P3H3: variants seen among roughly 807,000 people sequenced by gnomAD.
P3H3 encodes prolyl 3-hydroxylase 3.
Under a neutral mutation model 78.1 loss-of-function variants are expected in P3H3, and 64 were observed. The observed-to-expected ratio is 0.82, with a 90% CI of 0.67 to 1.01. The LOEUF (loss-of-function observed/expected upper bound fraction) is 1.01. P3H3 is among the 50% of genes least tolerant of loss of function. The probability of loss-of-function intolerance (pLI) is 0.00; values close to 1 mark genes in which losing one functional copy is unlikely to be tolerated. For synonymous variants in P3H3, 425 were observed against 416.7 expected, an observed-to-expected ratio of 1.02 and a Z score of -0.24; for missense variants, 975 against 982.2, an observed-to-expected ratio of 0.99 and a Z score of 0.10.
Position 6,829,834 on chromosome 12 carries a change from T to C in P3H3, c.499-25T>C. The C allele has an allele frequency of 6.2e-7, 1 of 1,613,522 alleles. No homozygotes were observed. Among genetic ancestry groups the C allele is most frequent in the Non-Finnish European group, 8.5e-7 (1 of 1,179,692 alleles). ...TCTGCCCCCCGTCCCAGGGCTCTGATGCCCTCCTCCCTTCGCCTCCTCAGT... is the reference window on the plus strand; with the variant it reads ...TCTGCCCCCCGTCCCAGGGCTCTGACGCCCTCCTCCCTTCGCCTCCTCAGT... On this transcript the variant is annotated intron_variant, in intron 1 of 14. Coordinates refer to ENST00000290510, the MANE Select transcript of P3H3 (RefSeq NM_014262.5). This position sits in a 1 kb window ranked among gnomAD's most constrained non-coding sequence, Gnocchi z 5.1.
chr12:6,836,928 C>G, intron 9 of P3H3, 57 bp from the exon 10 acceptor site: 1 of 1,338,350 alleles, frequency 7.5e-7, no homozygotes, highest in East Asian at 2.3e-5. Flanking sequence ...GTCTTGCAGC[C>G]CTGCAGACAG....
chr12:6,836,996 G>A lies in P3H3; in HGVS notation c.1470G>A (p.Gly490=), dbSNP rs781960023. Residue 490 remains glycine (G), a synonymous_variant, in exon 10 of 15, where the codon GGG becomes GGA. Transcript: ENST00000290510. ...TCCTTCCTATTTAGGATGCAGCTGG[G>A]GCTGGAGCCAGGTCTGGCTATCGTG... is the stretch of plus-strand genomic sequence containing the variant. The part of the protein sequence containing the change: ...VLLQLAKDAA[G]AGARSGYRGR... 3.7e-6 allele frequency: 6 copies of A among 1,611,118 alleles called. 1 individual carries two copies. The South Asian group carries it at 4.4e-5, about 12-fold the overall frequency.
Position 6,830,362 on chromosome 12 carries a change from G to GT in P3H3, c.661_662insT (p.Asp221ValfsTer36). ...CTCCCTTCCCCAACAGGCAGCCTAT[G>GT]ACACTGGCCTGGAGCTACTGGGGCG... On this transcript the variant is annotated frameshift_variant, in exon 3 of 15. Coordinates refer to ENST00000290510, the MANE Select transcript of P3H3 (RefSeq NM_014262.5). LOFTEE classifies it high-confidence loss of function. The GT allele has an allele frequency of 6.3e-7, 1 of 1,580,542 alleles. No individual in the cohort carries two copies. The highest frequency in any genetic ancestry group is 8.6e-7 in the Non-Finnish European group (1 of 1,164,520).
chr12:6,830,063 A>G (rs1269080481), intron 2 of P3H3, 52 bp downstream of exon 2: 4 of 1,603,920 alleles, frequency 2.5e-6, no homozygotes, highest in Admixed American at 1.7e-5. Context: ...TCCTGGCTGG[A>G]TACACAGGCC....
chr12:6,831,135 T>G lies in P3H3; in HGVS notation c.986-81T>G, dbSNP rs782617844. On this transcript the variant is annotated intron_variant, in intron 4 of 14. Coordinates refer to ENST00000290510, the MANE Select transcript of P3H3 (RefSeq NM_014262.5). The surrounding 1 kb of genome is among the most constrained non-coding windows in gnomAD (Gnocchi z 4.6). ...TGTCTGGCCTCTGGAGACCACCTTCTCCAGCACTGCCTCTGCCCCAAGGAT... is the reference window on the plus strand; with the variant it reads ...TGTCTGGCCTCTGGAGACCACCTTCGCCAGCACTGCCTCTGCCCCAAGGAT... 54 of 1,581,852 alleles carry G rather than the reference T, an allele frequency of 3.4e-5. 1 individual carries two copies. In the South Asian group the frequency reaches 5.5e-4, roughly 16 times the overall value.
rs782429502 is a variant in P3H3, at chr12:6,837,024, C to T, written c.1498C>T (p.Arg500Cys). 1.1e-5 allele frequency: 17 copies of T among 1,609,372 alleles called. No individual in the cohort carries two copies. Among genetic ancestry groups the T allele is most frequent in the African/African-American group, 1.3e-5 (1 of 74,904 alleles). Residue 500 changes from arginine to cysteine, a missense_variant, in exon 10 of 15, where the codon CGC becomes TGC. Coordinates refer to ENST00000290510, the MANE Select transcript of P3H3 (RefSeq NM_014262.5). ...GAGARSGYRG[R>C]RSPHTPHERF... is the part of the protein sequence containing the mutation. ...TGGAGCCAGGTCTGGCTATCGTGGT[C>T]GCCGCTCCCCTCACACCCCCCATGA...
intron 9 of P3H3, among the ~76,000 whole-genome samples, chr12:6,836,273 A>G (rs1158525167): frequency 1.3e-5 from 2 of 149,984 alleles, no homozygotes; most frequent in African/African-American, 4.9e-5. Flanking sequence ...GGCTTGGGTG[A>G]CTAGGTGTCT....
In P3H3 at chr12:6,828,681, T is replaced by C; in HGVS notation, c.241T>C (p.Cys81Arg). Residue 81 changes from cysteine (C) to arginine (R), a missense_variant, in exon 1 of 15, where the codon TGC becomes CGC. Transcript: ENST00000290510. Reference sequence around the variant, plus strand: ...GGTGCGGCTGGATTGCGGGGCGAGCTGCGCGGCCGATCCGGGCGCCGCGCT... The same window carrying C: ...GGTGCGGCTGGATTGCGGGGCGAGCCGCGCGGCCGATCCGGGCGCCGCGCT... ...GRVRLDCGAS[C>R]AADPGAALPA... 8.1e-7 allele frequency: 1 copy of C among 1,238,972 alleles called. No homozygotes were observed. The highest frequency in any genetic ancestry group is 1.0e-6 in the Non-Finnish European group (1 of 991,752). The allele number at this position is 1,238,972 out of a possible 1,614,324, so 76.7% of individuals were successfully genotyped here.
rs992616625 is a variant in P3H3, at chr12:6,829,081, G to T, written c.498+143G>T. On this transcript the variant is annotated intron_variant, in intron 1 of 14. Transcript: ENST00000290510. This position sits in a 1 kb window ranked among gnomAD's most constrained non-coding sequence, Gnocchi z 5.1. ...GCGTACCGCGGGCCTCTGCGTAGGA[G>T]CTGGCTAAGCGACCGCGAGGACCTC... 2.1e-6 allele frequency: 1 copy of T among 484,902 alleles called. No individual in the cohort carries two copies. The highest frequency in any genetic ancestry group is 3.3e-6 in the Non-Finnish European group (1 of 306,162). The allele number at this position is 484,902 out of a possible 1,614,324, so 30.0% of individuals were successfully genotyped here.
rs1355145826 is a variant in P3H3, at chr12:6,831,160, T to A, written c.986-56T>A. ...TCCAGCACTGCCTCTGCCCCAAGGA[T>A]CAATGTGCTCTAAGTATTCATCCCC... On this transcript the variant is annotated intron_variant, in intron 4 of 14. Transcript: ENST00000290510. The surrounding 1 kb of genome is among the most constrained non-coding windows in gnomAD (Gnocchi z 4.6). The A allele has an allele frequency of 1.2e-6, 2 of 1,609,074 alleles. No individual in the cohort carries two copies. Among genetic ancestry groups the A allele is most frequent in the African/African-American group, 2.7e-5 (2 of 74,752 alleles).
chr12:6,828,511 G>T lies in P3H3; in HGVS notation c.71G>T (p.Gly24Val). 7.4e-7 allele frequency: 1 copy of T among 1,346,676 alleles called. No individual in the cohort carries two copies. The highest frequency in any genetic ancestry group is 9.6e-7 in the Non-Finnish European group (1 of 1,040,148). The allele number at this position is 1,346,676 out of a possible 1,614,324, so 83.4% of individuals were successfully genotyped here. A position where few individuals can be genotyped will look rare whatever the true frequency, so the allele number is the denominator to read the frequency against. The stretch of plus-strand genomic sequence containing the variant: ...CCCCCGGGGTCCCCTGAGCCCCCCG[G>T]CCTGACCCAGCTGTCCCCGGGGGCG... ...LPPPGSPEPP[G>V]LTQLSPGAPP... Residue 24 changes from glycine (G) to valine (V), a missense_variant, in exon 1 of 15, where the codon GGC becomes GTC. Coordinates refer to ENST00000290510, the MANE Select transcript of P3H3 (RefSeq NM_014262.5).
In P3H3 at chr12:6,829,898, T is replaced by C. The variant is rs782364005; in HGVS notation, c.538T>C (p.Phe180Leu). ...LDLAAAAAHTFFVANPMHLQM... is the reference protein window; with the variant it reads ...LDLAAAAAHTLFVANPMHLQM... ...TCTGGCAGCTGCGGCAGCACACACC[T>C]TCTTTGTAGCAAACCCCATGCACCT... The change falls in exon 2 of 15, where the codon TTC (phenylalanine) becomes CTC (leucine). Residue 180 changes from phenylalanine (F) to leucine (L), a missense_variant. Physicochemically the swap from Phe to Leu is conservative, Grantham distance 22. Coordinates refer to ENST00000290510, the MANE Select transcript of P3H3 (RefSeq NM_014262.5). The surrounding 1 kb of genome is among the most constrained non-coding windows in gnomAD (Gnocchi z 5.1). 2 of 1,614,018 alleles carry C rather than the reference T, an allele frequency of 1.2e-6. No homozygotes were observed. The highest frequency in any genetic ancestry group is 2.2e-5 in the South Asian group (2 of 91,088).
Position 6,829,574 on chromosome 12 carries a change from C to T in P3H3, c.499-285C>T. ...CACCTCACTTAAGCCATCACTTCCA[C>T]CTGGTCTCCCAAATTGAGGTCCTGA... On this transcript the variant is annotated intron_variant, in intron 1 of 14. Transcript: ENST00000290510. This position sits in a 1 kb window ranked among gnomAD's most constrained non-coding sequence, Gnocchi z 5.1. 2 of 439,678 alleles carry T rather than the reference C, an allele frequency of 4.5e-6. No homozygotes were observed. Among genetic ancestry groups the T allele is most frequent in the Non-Finnish European group, 8.2e-6 (2 of 242,982 alleles). The allele number at this position is 439,678 out of a possible 1,614,324, so 27.2% of individuals were successfully genotyped here. A position where few individuals can be genotyped will look rare whatever the true frequency, so the allele number is the denominator to read the frequency against.
Position 6,828,447 on chromosome 12 carries a change from C to T in P3H3, c.7C>T (p.Arg3Trp), listed in dbSNP as rs1280851698. 3 of 922,648 alleles carry T rather than the reference C, an allele frequency of 3.3e-6. No homozygotes were observed. The highest frequency in any genetic ancestry group is 1.7e-5 in the South Asian group (1 of 59,738). 57.2% of individuals were successfully genotyped at this position (922,648 alleles called of 1,614,324 possible). ML[R>W]LLRPLLLLLL... ...TGCCGGCGGCTCCGACATCATGCTCCGGCTCCTCCGGCCGCTGCTGCTACT... is the reference window on the plus strand; with the variant it reads ...TGCCGGCGGCTCCGACATCATGCTCTGGCTCCTCCGGCCGCTGCTGCTACT... The change falls in exon 1 of 15, where the codon CGG becomes TGG. Residue 3 changes from arginine (R) to tryptophan (W), a missense_variant. Transcript: ENST00000290510.
In P3H3 at chr12:6,834,051, T is replaced by C. The variant is rs375915602; in HGVS notation, c.1458+2T>C. ...GGGGTGCTGCTGCAGCTGGCTAAGG[T>C]AGGAAGACCTGCAAGCTCATCAGCT... is the stretch of plus-strand genomic sequence containing the variant. On this transcript the variant is annotated splice_donor_variant, in intron 9 of 14. Coordinates refer to ENST00000290510, the MANE Select transcript of P3H3 (RefSeq NM_014262.5). LOFTEE classifies it high-confidence loss of function. The C allele has an allele frequency of 2.5e-6, 4 of 1,613,068 alleles. No individual in the cohort carries two copies. In the African/African-American group the frequency reaches 5.3e-5, roughly 22 times the overall value.
chr12:6,829,320 T>C lies in P3H3; in HGVS notation c.498+382T>C. The C allele has an allele frequency of 4.3e-6, 1 of 233,454 alleles. No individual in the cohort carries two copies. Among genetic ancestry groups the C allele is most frequent in the Non-Finnish European group, 8.2e-6 (1 of 122,182 alleles). The allele number at this position is 233,454 out of a possible 1,614,324, so 14.5% of individuals were successfully genotyped here. On this transcript the variant is annotated intron_variant, in intron 1 of 14. Transcript: ENST00000290510. The surrounding 1 kb of genome is among the most constrained non-coding windows in gnomAD (Gnocchi z 5.1). ...CGGGGGTGGTGGTGAGTGTGAACCT[T>C]CGCTTGGGGCAGGAGGTAGCTTCGG...
At position 6,829,881 on chromosome 12, in the gene P3H3, C is replaced by T. The variant is rs782182953; in HGVS notation, c.521C>T (p.Ala174Val). ...YYQLKKLDLA[A>V]AAAHTFFVAN... is the part of the protein sequence containing the mutation. ...CAGTTGAAGAAGCTGGATCTGGCAG[C>T]TGCGGCAGCACACACCTTCTTTGTA... The change falls in exon 2 of 15, where the codon GCT becomes GTT. Residue 174 changes from alanine (A) to valine (V), a missense_variant. Ala to Val is a moderately conservative substitution (Grantham distance 64, BLOSUM62 0). Transcript: ENST00000290510. The surrounding 1 kb of genome is among the most constrained non-coding windows in gnomAD (Gnocchi z 5.1). 3 of 1,613,906 alleles carry T rather than the reference C, an allele frequency of 1.9e-6. No individual in the cohort carries two copies. Among genetic ancestry groups the T allele is most frequent in the Non-Finnish European group, 2.5e-6 (3 of 1,179,890 alleles).
Position 6,837,806 on chromosome 12 carries a change from G to C in P3H3, c.1786G>C (p.Glu596Gln), listed in dbSNP as rs1943514884. ...DNCVLDPDTG[E>Q]CWREPPAYTY... Reference sequence around the variant, plus strand: ...CTGCGTCCTGGACCCTGACACGGGAGAGTGCTGGCGGGAGCCCCCAGCCTA... The same window carrying C: ...CTGCGTCCTGGACCCTGACACGGGACAGTGCTGGCGGGAGCCCCCAGCCTA... Residue 596 changes from glutamate to glutamine, a missense_variant, in exon 12 of 15, where the codon GAG becomes CAG. Physicochemically the swap from Glu to Gln is conservative, Grantham distance 29 (BLOSUM62 2). Coordinates refer to ENST00000290510, the MANE Select transcript of P3H3 (RefSeq NM_014262.5). 1.2e-6 allele frequency: 2 copies of C among 1,613,102 alleles called. No homozygotes were observed. The highest frequency in any genetic ancestry group is 8.5e-7 in the Non-Finnish European group (1 of 1,179,640).
rs782686841 is a variant in P3H3, at chr12:6,837,543, A to C, written c.1681A>C (p.Thr561Pro). The C allele has an allele frequency of 6.8e-6, 11 of 1,612,350 alleles. No individual in the cohort carries two copies. In the East Asian group the frequency reaches 2.5e-4, roughly 36 times the overall value. ...SPERPLHLSF[T>P]HLVCRSAIEG... ...GGAACGGCCCCTGCATCTGTCCTTC[A>C]CCCACCTGGTGTGCCGCAGCGCCAT... is the stretch of plus-strand genomic sequence containing the variant. The change falls in exon 11 of 15, where the codon ACC becomes CCC. Residue 561 changes from threonine (T) to proline (P), a missense_variant. Thr to Pro is a conservative substitution (Grantham distance 38, BLOSUM62 -1). Coordinates refer to ENST00000290510, the MANE Select transcript of P3H3 (RefSeq NM_014262.5).
Sources: allele counts gnomAD v4.1 joint callset (sites outside exome capture counted in the v4.1 genomes callset), GRCh38; gene constraint gnomAD v4.1.1; non-coding constraint Gnocchi (gnomAD v3.1); transcripts MANE v1.5; gene names NCBI Gene and HGNC (gene_info 2026-07-23, HGNC 2026-07-21).